RRM2B: variants seen among roughly 807,000 people sequenced by gnomAD.
RRM2B encodes ribonucleoside-diphosphate reductase subunit M2 B.
Under a neutral mutation model 45.9 loss-of-function variants are expected in RRM2B, and 20 were observed. The ratio of observed to expected loss-of-function variants is 0.44; its 90% CI spans 0.31 to 0.63. RRM2B has a LOEUF of 0.63. RRM2B is among the 30% of genes least tolerant of loss of function. The pLI, the probability that RRM2B is intolerant of heterozygous loss-of-function variation, is 0.09. For synonymous variants in RRM2B, 124 were observed against 132.3 expected (o/e 0.94, Z 0.43); for missense variants, 320 against 414.7 (o/e 0.77, Z 1.98).
At chr8:102,215,320 A>AGATTGCTT (rs1810710605) in intron 6 of RRM2B, among the ~76,000 whole-genome samples, 1 of 151,854 alleles carries the variant, frequency 6.6e-6, no homozygotes, top group African/African-American at 2.4e-5. Flanking sequence ...TGAAGCAGGA[A>AGATTGCTT]GATTGCTTGA....
chr8:102,223,974 T>C (rs934675848), intron 5 of RRM2B, 72 bp downstream of exon 5: 2 of 1,030,336 alleles, frequency 1.9e-6, no homozygotes, highest in Admixed American at 1.7e-5. Flanking sequence ...TCGTACTGGA[T>C]AGTCACACCA....
rs1162362102 is a variant in RRM2B, at chr8:102,206,224, G to A, written c.*1909C>T. On this transcript the variant is annotated 3_prime_UTR_variant, in exon 9 of 9. Transcript: ENST00000251810. ...ATAGATGGTAAAGGACTAAATCTGAGACATTACAACCTCTAAAAAAAAATA... is the reference window on the plus strand; with the variant it reads ...ATAGATGGTAAAGGACTAAATCTGAAACATTACAACCTCTAAAAAAAAATA... 6.6e-6 allele frequency: 1 copy of A among 150,496 alleles called. No individual in the cohort carries two copies. The highest frequency in any genetic ancestry group is 1.5e-5 in the Non-Finnish European group (1 of 67,346). 9.3% of individuals were successfully genotyped at this position (150,496 alleles called of 1,614,324 possible). A position where few individuals can be genotyped will look rare whatever the true frequency, so the allele number is the denominator to read the frequency against.
At chr8:102,218,292 G>A (rs1810767145) in intron 6 of RRM2B, among the ~76,000 whole-genome samples, 1 of 152,170 alleles carries the variant, frequency 6.6e-6, no homozygotes. Context: ...CTGATATTAA[G>A]AATGACCAGG....
intron 1 of RRM2B, 133 bp downstream of exon 1, chr8:102,238,694 G>A (rs753627055): frequency 6.4e-7 from 1 of 1,555,224 alleles, no homozygotes; most frequent in East Asian, 2.4e-5. Flanking sequence ...GACGAAGCCA[G>A]GCTGCGGCGA....
chr8:102,208,151 G>C lies in RRM2B; in HGVS notation c.1038C>G (p.Thr346=), dbSNP rs1275030134. The stretch of plus-strand genomic sequence containing the variant: ...AGGTTTTTTAAAAATCTGCATCCAA[G>C]GTGAAGACGTTATCTGTGGTTTCTG... ...VMAETTDNVF[T]LDADF Residue 346 remains threonine, a synonymous_variant, in exon 9 of 9, where the codon ACC becomes ACG. Transcript: ENST00000251810. 5 of 1,613,154 alleles carry C rather than the reference G, an allele frequency of 3.1e-6. No individual in the cohort carries two copies. The highest frequency in any genetic ancestry group is 4.2e-6 in the Non-Finnish European group (5 of 1,179,320).
rs1187387214 is a variant in RRM2B, at chr8:102,232,139, T to C, written c.204+10A>G. 7.4e-6 allele frequency: 12 copies of C among 1,613,594 alleles called. No homozygotes were observed. The highest frequency in any genetic ancestry group is 9.3e-6 in the Non-Finnish European group (11 of 1,179,610). ...AGGATGTGAATGCTCTTGGAGGCAA[T>C]GCCACGTACCTCTTCTGCTGTCCAG... On this transcript the variant is annotated intron_variant, in intron 2 of 8. Transcript: ENST00000251810.
chr8:102,211,374 A>G (rs1268152462), intron 8 of RRM2B, among the ~76,000 whole-genome samples: 3 of 152,224 alleles, frequency 2.0e-5, no homozygotes, highest in Admixed American at 2.0e-4. Flanking sequence ...CATTGCATTA[A>G]AAATCTAAGG....
At chr8:102,218,010 A>T (rs1305130908) in intron 6 of RRM2B, among the ~76,000 whole-genome samples, 1 of 152,222 alleles carries the variant, frequency 6.6e-6, no homozygotes, top group African/African-American at 2.4e-5. Context: ...AAATAGGAAA[A>T]ACAGAAGGAA....
intron 1 of RRM2B, among the ~76,000 whole-genome samples, chr8:102,236,077 G>C (rs1427463399): frequency 6.6e-6 from 1 of 152,178 alleles, no homozygotes; most frequent in Non-Finnish European, 1.5e-5. Context: ...GATTAAAACA[G>C]GCTGAAATGG....
At chr8:102,216,501 A>C (rs1810732967) in intron 6 of RRM2B, among the ~76,000 whole-genome samples, 1 of 152,170 alleles carries the variant, frequency 6.6e-6, no homozygotes, top group South Asian at 2.1e-4. Flanking sequence ...TTGTGCTATA[A>C]ATATAACAAA....
chr8:102,222,712 A>T (rs572748239), intron 5 of RRM2B, among the ~76,000 whole-genome samples: 210 of 152,360 alleles, frequency 1.4e-3, no homozygotes, highest in African/African-American at 4.6e-3. Flanking sequence ...CATATACTAT[A>T]TACATATACA....
At chr8:102,233,476 A>C (rs1313184206) in intron 1 of RRM2B, among the ~76,000 whole-genome samples, 1 of 152,200 alleles carries the variant, frequency 6.6e-6, no homozygotes, top group Non-Finnish European at 1.5e-5. Flanking sequence ...GTATCGTGTC[A>C]AGCATGTTAG....
chr8:102,208,582 G>A (rs1810582582), intron 8 of RRM2B, among the ~76,000 whole-genome samples: 1 of 152,070 alleles, frequency 6.6e-6, no homozygotes, highest in African/African-American at 2.4e-5. Flanking sequence ...AATAGAAAAT[G>A]TTCTCACAGC....
At chr8:102,212,958 A>G (rs1810661071) in intron 7 of RRM2B, 69 bp from the exon 8 acceptor site, 2 of 830,100 alleles carry the variant, frequency 2.4e-6, no homozygotes, top group Admixed American at 4.0e-5. Context: ...AAATAGAAAG[A>G]GGACTTTCGT....
intron 6 of RRM2B, among the ~76,000 whole-genome samples, chr8:102,216,179 T>A (rs796156246): frequency 3.3e-5 from 5 of 152,022 alleles, no homozygotes; most frequent in African/African-American, 1.2e-4. Context: ...ACAGCGCAAG[T>A]CAATGAAGAA....
chr8:102,227,871 A>C (rs1247832839), intron 2 of RRM2B, among the ~76,000 whole-genome samples: 3 of 152,120 alleles, frequency 2.0e-5, no homozygotes, highest in Non-Finnish European at 4.4e-5. Context: ...AATCCTATTC[A>C]TGAGGGCTCC....
chr8:102,226,154 A>G (rs930984593), intron 2 of RRM2B, 120 bp from the exon 3 acceptor site: 8 of 704,758 alleles, frequency 1.1e-5, no homozygotes, highest in South Asian at 1.5e-5. Flanking sequence ...ATGGAAAAAG[A>G]AAGATGTTAG....
chr8:102,211,476 A>G (rs1384313671), intron 8 of RRM2B, among the ~76,000 whole-genome samples: 2 of 152,238 alleles, frequency 1.3e-5, no homozygotes, highest in Non-Finnish European at 2.9e-5. Flanking sequence ...CTTCTCCTGC[A>G]GGAGGTGGCA....
chr8:102,238,728 G>T, intron 1 of RRM2B, 99 bp downstream of exon 1: 2 of 1,593,966 alleles, frequency 1.3e-6, no homozygotes, highest in South Asian at 2.2e-5. Flanking sequence ...GGCCTGTCCT[G>T]ACCGCGGCGA....
Sources: allele counts gnomAD v4.1 joint callset (sites outside exome capture counted in the v4.1 genomes callset), GRCh38; gene constraint gnomAD v4.1.1; transcripts MANE v1.5; gene names NCBI Gene and HGNC (gene_info 2026-07-23, HGNC 2026-07-21).